The following GDPD5 variants were observed in gnomAD, a reference collection of about 807,000 sequenced individuals.
GDPD5 encodes the protein glycerophosphodiester phosphodiesterase domain containing 5.
In GDPD5, 48 loss-of-function variants were observed where a neutral mutation model predicts 75.1. That is an observed-to-expected ratio of 0.64 (90% CI 0.51 to 0.81). GDPD5 has a LOEUF of 0.81. GDPD5 is among the 40% of genes least tolerant of loss of function. The probability of loss-of-function intolerance (pLI) is 0.00; values close to 1 mark genes in which losing one functional copy is unlikely to be tolerated. For missense variants in GDPD5, 706 were observed against 822.6 expected (o/e 0.86, Z 1.73); for synonymous variants, 336 against 339.0 (o/e 0.99, Z 0.10).
intron 4 of GDPD5, among the ~76,000 whole-genome samples, chr11:75,459,807 CAA>C (rs767929482): frequency 3.4e-4 from 26 of 75,610 alleles, no homozygotes; most frequent in Admixed American, 4.3e-4. Flanking sequence ...GAGACTGTCT[CAA>C]AAAAAAAAAA....
intron 15 of GDPD5, chr11:75,437,826 C>G (rs1409824617): frequency 6.6e-6 from 1 of 152,378 alleles, no homozygotes. Flanking sequence ...TCACTATTGT[C>G]ATTCCTCTGA....
chr11:75,474,374 GTCTTC>G (rs2135354447), intron 3 of GDPD5, among the ~76,000 whole-genome samples: 1 of 152,342 alleles, frequency 6.6e-6, no homozygotes, highest in African/African-American at 2.4e-5. Context: ...CCTGAGAACA[GTCTTC>G]TGTCCTACCA....
intron 1 of GDPD5, chr11:75,506,604 A>C (rs556336513): frequency 7.4e-4 from 113 of 152,614 alleles, no homozygotes; most frequent in African/African-American, 2.4e-3. Context: ...TCAAGACCAC[A>C]AGGTAGGGTG....
At chr11:75,446,864 C>T (rs755524594) in intron 9 of GDPD5, among the ~76,000 whole-genome samples, 4 of 151,522 alleles carry the variant, frequency 2.6e-5, no homozygotes, top group Non-Finnish European at 4.4e-5. Context: ...AAATAAACAG[C>T]TTAAGGGAAA....
intron 15 of GDPD5, chr11:75,439,253 A>G: frequency 2.3e-6 from 1 of 443,122 alleles, no homozygotes; most frequent in South Asian, 1.6e-5. Context: ...GGCTTGGTGC[A>G]CGGTGGGTTT....
At position 75,462,834 on chromosome 11, in the gene GDPD5, C is replaced by G; in HGVS notation, c.173G>C (p.Trp58Ser). 1.2e-6 allele frequency: 2 copies of G among 1,614,148 alleles called. No homozygotes were observed. The highest frequency in any genetic ancestry group is 1.1e-5 in the South Asian group (1 of 91,080). Residue 58 changes from tryptophan to serine, a missense_variant, in exon 4 of 17, where the codon TGG (tryptophan) becomes TCG (serine). Physicochemically the swap from Trp to Ser is radical, Grantham distance 177. Transcript: ENST00000336898. ...GTGGACTTCCCACCAGAAGTAAAGC[C>G]AGGTGAGCGTGAGGCCAAAGGTGAA... is the stretch of plus-strand genomic sequence containing the variant. The part of the protein sequence containing the change: ...LTFTFGLTLT[W>S]LYFWWEVHND...
intron 6 of GDPD5, among the ~76,000 whole-genome samples, chr11:75,456,248 G>A (rs979998540): frequency 3.9e-5 from 6 of 152,194 alleles, no homozygotes; most frequent in African/African-American, 1.4e-4. Context: ...ATCATGCCAG[G>A]TAGGGAAGTT....
intron 1 of GDPD5, among the ~76,000 whole-genome samples, chr11:75,493,523 T>A (rs1397033491): frequency 6.6e-6 from 1 of 152,050 alleles, no homozygotes; most frequent in Non-Finnish European, 1.5e-5. Context: ...CACCTCAGCC[T>A]CCCGAGTAGC....
intron 3 of GDPD5, among the ~76,000 whole-genome samples, chr11:75,463,636 C>T (rs1261194043): frequency 6.6e-6 from 1 of 152,222 alleles, no homozygotes; most frequent in Non-Finnish European, 1.5e-5. Context: ...AAGTCAACAG[C>T]CCTTGAGGGG....
chr11:75,442,333 C>T (rs199811868), intron 12 of GDPD5, 30 bp downstream of exon 12: 184 of 1,510,238 alleles, frequency 1.2e-4, no homozygotes, highest in Admixed American at 1.6e-4. Flanking sequence ...CCAGGGCTCC[C>T]GGGGGCAGAG....
chr11:75,507,525 G>A (rs931435846), intron 1 of GDPD5, among the ~76,000 whole-genome samples: 1 of 152,272 alleles, frequency 6.6e-6, no homozygotes, highest in Non-Finnish European at 1.5e-5. Flanking sequence ...CTGGGTCACA[G>A]CCACTGAGCC....
chr11:75,442,612 C>T, intron 11 of GDPD5, 31 bp from the exon 12 acceptor site: 4 of 1,597,042 alleles, frequency 2.5e-6, no homozygotes, highest in Non-Finnish European at 3.4e-6. Flanking sequence ...CACATGGCTG[C>T]ATCATCAGCC....
intron 1 of GDPD5, among the ~76,000 whole-genome samples, chr11:75,496,222 C>T (rs1027817315): frequency 1.3e-5 from 2 of 152,358 alleles, no homozygotes; most frequent in South Asian, 4.1e-4. Context: ...CCCCCGCCAT[C>T]CAGCTGGGCA....
chr11:75,477,339 T>C (rs1333960183), intron 3 of GDPD5, among the ~76,000 whole-genome samples: 1 of 152,244 alleles, frequency 6.6e-6, no homozygotes, highest in Non-Finnish European at 1.5e-5. Flanking sequence ...GAACTTCTGC[T>C]CACCTTGGGG....
chr11:75,439,863 G>C lies in GDPD5; in HGVS notation c.1556+16C>G. On this transcript the variant is annotated intron_variant, in intron 15 of 16. Transcript: ENST00000336898. ...CAGGGTAGGGACAGCCACGGAAGTG[G>C]TCAGATCCTACTCACTTCTGGAGCA... The C allele has an allele frequency of 6.2e-7, 1 of 1,604,698 alleles. No homozygotes were observed.
At chr11:75,471,626 G>A (rs1043279034) in intron 3 of GDPD5, among the ~76,000 whole-genome samples, 4 of 152,194 alleles carry the variant, frequency 2.6e-5, no homozygotes, top group Non-Finnish European at 2.9e-5. Context: ...CCCTGACCAC[G>A]TCACAGGGTG....
intron 1 of GDPD5, among the ~76,000 whole-genome samples, chr11:75,502,887 G>T (rs1374215333): frequency 6.6e-6 from 1 of 152,160 alleles, no homozygotes; most frequent in Non-Finnish European, 1.5e-5. Context: ...CAAACCTCCG[G>T]GTGCCCCAGC....
intron 15 of GDPD5, 32 bp downstream of exon 15, chr11:75,439,847 G>A (rs1296117490): frequency 6.4e-7 from 1 of 1,567,136 alleles, no homozygotes; most frequent in African/African-American, 1.4e-5. Context: ...GCAGGGTAGG[G>A]ACAGCCACGG....
At position 75,481,086 on chromosome 11, in the gene GDPD5, T is replaced by C. The variant is rs577838396; in HGVS notation, c.-60-3291A>G. Reference sequence around the variant, plus strand: ...CACGAGCCTTATGGTAAGTGCAGTGTATGATGGAGGGAGGAAAGGGAGCCT... The same window carrying C: ...CACGAGCCTTATGGTAAGTGCAGTGCATGATGGAGGGAGGAAAGGGAGCCT... On this transcript the variant is annotated intron_variant, in intron 2 of 16. Coordinates refer to ENST00000336898, the MANE Select transcript of GDPD5 (RefSeq NM_030792.8). Among the ~76,000 whole-genome samples, 7 of 152,168 alleles carry C rather than the reference T, an allele frequency of 4.6e-5. No homozygotes were observed. The South Asian group carries it at 1.0e-3, about 23-fold the overall frequency.
Sources: allele counts gnomAD v4.1 joint callset (sites outside exome capture counted in the v4.1 genomes callset), GRCh38; gene constraint gnomAD v4.1.1; transcripts MANE v1.5; gene names NCBI Gene and HGNC (gene_info 2026-07-23, HGNC 2026-07-21).